The following NEGR1 variants were observed in gnomAD, a reference collection of about 807,000 sequenced individuals.
The protein encoded by NEGR1 is neuronal growth regulator 1, also known as IgLON family member 4.
In NEGR1, 10 loss-of-function variants were observed where a neutral mutation model predicts 40.9. The observed-to-expected ratio is 0.24, with a 90% CI of 0.15 to 0.42. The LOEUF is 0.42. Ranked by LOEUF, NEGR1 falls within the 10% of genes least tolerant of loss-of-function variation. NEGR1 has a pLI of 1.00. For missense variants in NEGR1, 352 were observed against 438.9 expected (o/e 0.80, Z 1.77); for synonymous variants, 185 against 166.8 (o/e 1.11, Z -0.84).
Position 71,461,210 on chromosome 1 carries a change from T to C in NEGR1, c.941-53640A>G, listed in dbSNP as rs571403846. Among the ~76,000 whole-genome samples the C allele has an allele frequency of 2.6e-5, 4 of 152,210 alleles. No individual in the cohort carries two copies. In the South Asian group the frequency reaches 8.3e-4, roughly 31 times the overall value. Reference sequence around the variant, plus strand: ...CTCAATAAAGGGAAGCTGTTCCAAGTCTTTGGCCAAATTAACAAAAATATC... The same window carrying C: ...CTCAATAAAGGGAAGCTGTTCCAAGCCTTTGGCCAAATTAACAAAAATATC... On this transcript the variant is annotated intron_variant, in intron 6 of 6. Transcript: ENST00000357731.
In NEGR1 at chr1:72,186,087, T is replaced by C. The variant is rs541297700; in HGVS notation, c.176+96232A>G. 1.1e-3 allele frequency among the ~76,000 whole-genome samples: 162 copies of C among 151,930 alleles called. 1 individual carries two copies. The highest frequency in any genetic ancestry group is 3.6e-3 in the African/African-American group (150 of 41,540). ...GTTAGCTATTACTCATTCTGTAATT[T>C]GTCAACCCTCAAATTTGTAAAGGAA... On this transcript the variant is annotated intron_variant, in intron 1 of 6. Coordinates refer to ENST00000357731, the MANE Select transcript of NEGR1 (RefSeq NM_173808.3).
intron 6 of NEGR1, among the ~76,000 whole-genome samples, chr1:71,447,324 C>G (rs764302290): frequency 3.9e-5 from 6 of 152,098 alleles, no homozygotes; most frequent in Non-Finnish European, 8.8e-5. Flanking sequence ...TGTAATCCAC[C>G]CAAAGAGGTC....
rs1198440208 is a variant in NEGR1 at position 71,483,525 on chromosome 1, T to C, written c.941-75955A>G. 2.6e-5 allele frequency among the ~76,000 whole-genome samples: 4 copies of C among 151,930 alleles called. No individual in the cohort carries two copies. The East Asian group carries it at 7.8e-4, about 30-fold the overall frequency. On this transcript the variant is annotated intron_variant, in intron 6 of 6. Coordinates refer to ENST00000357731, the MANE Select transcript of NEGR1 (RefSeq NM_173808.3). ...CTCCAATGAGGCATTTGTGTGTGTA[T>C]GTACATGTGCATGTATGTGTATGTA... is the stretch of plus-strand genomic sequence containing the variant.
intron 3 of NEGR1, among the ~76,000 whole-genome samples, chr1:71,722,478 T>C (rs1424377544): frequency 6.6e-6 from 1 of 152,118 alleles, no homozygotes. Context: ...ATGCTTCATA[T>C]GATAATACGT....
intron 2 of NEGR1, among the ~76,000 whole-genome samples, chr1:71,782,614 G>A (rs185272915): frequency 9.2e-5 from 14 of 152,176 alleles, no homozygotes; most frequent in South Asian, 2.1e-4. Flanking sequence ...CTGAGAGAGG[G>A]CCTGACACAT....
At chr1:71,619,004 G>C in intron 4 of NEGR1, among the ~76,000 whole-genome samples, 1 of 152,076 alleles carries the variant, frequency 6.6e-6, no homozygotes, top group East Asian at 1.9e-4. Flanking sequence ...TGGCTCAAGA[G>C]GTTTCTAAGG....
At chr1:71,738,797 T>C (rs920052783) in intron 3 of NEGR1, among the ~76,000 whole-genome samples, 1 of 152,116 alleles carries the variant, frequency 6.6e-6, no homozygotes, top group Non-Finnish European at 1.5e-5. Flanking sequence ...CTGGGACCTC[T>C]TTCTTCTTTG....
At chr1:71,423,448 A>G (rs1646410079) in intron 6 of NEGR1, among the ~76,000 whole-genome samples, 1 of 152,182 alleles carries the variant, frequency 6.6e-6, no homozygotes, top group Admixed American at 6.5e-5. Context: ...TTTTTAAAAC[A>G]TGGAAAAAAA....
intron 4 of NEGR1, among the ~76,000 whole-genome samples, chr1:71,680,076 T>C (rs1410097632): frequency 6.6e-6 from 1 of 152,040 alleles, no homozygotes; most frequent in Non-Finnish European, 1.5e-5. Context: ...GTCTATAATA[T>C]TATTTCCTTC....
At chr1:72,012,816 T>TAC (rs147632951) in intron 1 of NEGR1, among the ~76,000 whole-genome samples, 25,437 of 145,130 alleles carry the variant, frequency 0.18, 2,727 homozygotes, top group East Asian at 0.42. Context: ...TATATATATA[T>TAC]ACACACACAC....
chr1:71,768,707 T>G (rs547753697), intron 3 of NEGR1, among the ~76,000 whole-genome samples: 22 of 152,226 alleles, frequency 1.4e-4, no homozygotes, highest in African/African-American at 5.1e-4. Context: ...GAGGTGTCAG[T>G]GTGGGAATGA....
At chr1:71,783,295 C>A (rs933839632) in intron 2 of NEGR1, among the ~76,000 whole-genome samples, 2 of 152,142 alleles carry the variant, frequency 1.3e-5, no homozygotes, top group Non-Finnish European at 2.9e-5. Flanking sequence ...TGGCCTGCCC[C>A]CAAAAAGTGA....
At chr1:71,589,491 T>G (rs1649427113) in intron 6 of NEGR1, among the ~76,000 whole-genome samples, 1 of 152,146 alleles carries the variant, frequency 6.6e-6, no homozygotes. Flanking sequence ...TATTAGACAT[T>G]GCCTCAAACT....
chr1:71,675,290 A>G (rs998123958), intron 4 of NEGR1, among the ~76,000 whole-genome samples: 1 of 150,770 alleles, frequency 6.6e-6, no homozygotes, highest in Non-Finnish European at 1.5e-5. Context: ...CTCACTTTGC[A>G]TGAATACCCA....
rs1448093849 is a variant in NEGR1, at chr1:71,912,575, G to C, written c.409+22504C>G. On this transcript the variant is annotated intron_variant, in intron 2 of 6. Coordinates refer to ENST00000357731, the MANE Select transcript of NEGR1 (RefSeq NM_173808.3). ...TACTCTGATAAACGTCATTCTTACA[G>C]GATCCTGTCTGCATTTATGATTTGT... is the stretch of plus-strand genomic sequence containing the variant. Among the ~76,000 whole-genome samples, 8 of 152,136 alleles carry C rather than the reference G, an allele frequency of 5.3e-5. No homozygotes were observed. In the East Asian group the frequency reaches 1.3e-3, roughly 26 times the overall value.
intron 6 of NEGR1, among the ~76,000 whole-genome samples, chr1:71,564,358 A>G (rs1475176189): frequency 6.6e-6 from 1 of 152,128 alleles, no homozygotes; most frequent in Non-Finnish European, 1.5e-5. Context: ...AAAATCATAC[A>G]TATGTTAAGT....
At chr1:71,940,137 C>A (rs1280981545) in intron 1 of NEGR1, among the ~76,000 whole-genome samples, 2 of 152,112 alleles carry the variant, frequency 1.3e-5, no homozygotes. Context: ...GTTCTCTGGT[C>A]ACAAATTCAG....
intron 6 of NEGR1, among the ~76,000 whole-genome samples, chr1:71,584,015 G>C (rs538506947): frequency 6.6e-6 from 1 of 152,110 alleles, no homozygotes; most frequent in Non-Finnish European, 1.5e-5. Flanking sequence ...GCTAAAATTC[G>C]GAAAATCCAA....
chr1:72,057,156 G>T (rs917747550), intron 1 of NEGR1, among the ~76,000 whole-genome samples: 6 of 151,468 alleles, frequency 4.0e-5, no homozygotes, highest in Admixed American at 2.6e-4. Context: ...TGTTATTATT[G>T]ATTGAATGGA....
Sources: allele counts gnomAD v4.1 joint callset (sites outside exome capture counted in the v4.1 genomes callset), GRCh38; gene constraint gnomAD v4.1.1; transcripts MANE v1.5; gene names NCBI Gene and HGNC (gene_info 2026-07-23, HGNC 2026-07-21).